PRKN: variants seen among roughly 807,000 people sequenced by gnomAD.
PRKN encodes E3 ubiquitin-protein ligase parkin.
A neutral mutation model predicts 59.5 loss-of-function variants in PRKN; 56 were observed. That is an observed-to-expected ratio of 0.94 (90% CI 0.76 to 1.18). The LOEUF (loss-of-function observed/expected upper bound fraction) is 1.18, where lower values mean the gene tolerates loss of function less well. Ranked by LOEUF, PRKN falls within the 50% of genes most tolerant of loss-of-function variation. The pLI, the probability that PRKN is intolerant of heterozygous loss-of-function variation, is 0.00. For missense variants in PRKN, 657 were observed against 596.4 expected (o/e 1.10, Z -1.06); for synonymous variants, 250 against 222.1 (o/e 1.13, Z -1.12).
intron 1 of PRKN, among the ~76,000 whole-genome samples, chr6:162,469,341 G>C (rs1317703987): frequency 7.0e-6 from 1 of 142,704 alleles, no homozygotes; most frequent in African/African-American, 2.5e-5. Flanking sequence ...AAGAAAGTGG[G>C]GGGGTTGCAG....
chr6:161,384,650 G>A (rs1786148531), intron 10 of PRKN, among the ~76,000 whole-genome samples: 2 of 152,182 alleles, frequency 1.3e-5, no homozygotes, highest in Admixed American at 1.3e-4. Context: ...GAGACACAGG[G>A]GAACAGAGGA....
intron 4 of PRKN, among the ~76,000 whole-genome samples, chr6:162,174,529 T>C (rs534710582): frequency 1.8e-5 from 2 of 111,422 alleles, no homozygotes; most frequent in Non-Finnish European, 3.9e-5. Flanking sequence ...TAAAATACAA[T>C]TCTTCCAATG....
chr6:161,913,475 G>T (rs1316909898), intron 6 of PRKN, among the ~76,000 whole-genome samples: 2 of 152,046 alleles, frequency 1.3e-5, no homozygotes, highest in African/African-American at 4.8e-5. Context: ...TCTTTTACTT[G>T]CCTATTGGAT....
chr6:162,194,491 T>C (rs1784415564), intron 4 of PRKN, among the ~76,000 whole-genome samples: 1 of 152,158 alleles, frequency 6.6e-6, no homozygotes, highest in South Asian at 2.1e-4. Context: ...AAAATGGCAG[T>C]AGCAGCATTT....
rs1480256650 is a variant in PRKN, at chr6:162,562,025, A to G, written c.8-118552T>C. On this transcript the variant is annotated intron_variant, in intron 1 of 11. Transcript: ENST00000366898. The stretch of plus-strand genomic sequence containing the variant: ...CCCAGGCTGCACAGTTCTCAGCTCC[A>G]GAAAAGACCCCTTCCTTCCACTTGA... Among the ~76,000 whole-genome samples, 7 of 152,168 alleles carry G rather than the reference A, an allele frequency of 4.6e-5. No homozygotes were observed. In the South Asian group the frequency reaches 1.4e-3, roughly 32 times the overall value.
Position 162,239,257 on chromosome 6 carries a change from T to C in PRKN, c.412+23268A>G, listed in dbSNP as rs529610152. ...CTGAGCAGGAACACAGCTTGCAGGT[T>C]GGCCGACTCATCTCCCCAGATTTTA... On this transcript the variant is annotated intron_variant, in intron 3 of 11. Transcript: ENST00000366898. Among the ~76,000 whole-genome samples, 196 of 152,276 alleles carry C rather than the reference T, an allele frequency of 1.3e-3. 1 individual carries two copies. The highest frequency in any genetic ancestry group is 4.3e-3 in the African/African-American group (180 of 41,562).
In PRKN at chr6:161,549,920, T is replaced by C. The variant is rs1194379613; in HGVS notation, c.934-917A>G. Among the ~76,000 whole-genome samples the C allele has an allele frequency of 5.3e-5, 8 of 152,130 alleles. No homozygotes were observed. The highest frequency in any genetic ancestry group is 4.6e-4 in the Admixed American group (7 of 15,278). The stretch of plus-strand genomic sequence containing the variant: ...AACAGTCAATACCGAGAGGTTAGAA[T>C]GTCTAGGATTTCCAATGGTGCTAAG... On this transcript the variant is annotated intron_variant, in intron 8 of 11. Transcript: ENST00000366898. The surrounding 1 kb of genome is among the most constrained non-coding windows in gnomAD (Gnocchi z 6.0).
intron 4 of PRKN, among the ~76,000 whole-genome samples, chr6:162,149,910 A>C (rs956937754): frequency 4.6e-5 from 7 of 152,196 alleles, no homozygotes; most frequent in Non-Finnish European, 8.8e-5. Flanking sequence ...AAGTTTCCTG[A>C]TAAATAAACC....
intron 4 of PRKN, among the ~76,000 whole-genome samples, chr6:162,176,513 GC>G (rs1249838361): frequency 6.6e-6 from 1 of 151,986 alleles, no homozygotes; most frequent in Non-Finnish European, 1.5e-5. Flanking sequence ...GTCACAGAAG[GC>G]CATCTATTCA....
At chr6:161,679,087 A>G (rs1285941877) in intron 7 of PRKN, among the ~76,000 whole-genome samples, 1 of 152,162 alleles carries the variant, frequency 6.6e-6, no homozygotes, top group African/African-American at 2.4e-5. Flanking sequence ...GCTCCAGATG[A>G]GAGTGTCTGA....
intron 7 of PRKN, among the ~76,000 whole-genome samples, chr6:161,647,245 A>G (rs566749672): frequency 6.6e-5 from 10 of 152,256 alleles, no homozygotes; most frequent in African/African-American, 2.4e-4. Context: ...ATTGTTTCCA[A>G]CTGTTATCTT....
chr6:162,039,272 A>G (rs1183949501), intron 5 of PRKN, among the ~76,000 whole-genome samples: 2 of 152,216 alleles, frequency 1.3e-5, no homozygotes, highest in Non-Finnish European at 2.9e-5. Context: ...TCAAGATCAC[A>G]TAACTCTACT....
intron 7 of PRKN, among the ~76,000 whole-genome samples, chr6:161,677,473 G>C (rs1029220862): frequency 6.6e-6 from 1 of 152,210 alleles, no homozygotes; most frequent in Non-Finnish European, 1.5e-5. Context: ...GTAAACCACT[G>C]ACTGCTGCAA....
chr6:161,925,681 C>T (rs1161783488), intron 6 of PRKN, among the ~76,000 whole-genome samples: 1 of 152,168 alleles, frequency 6.6e-6, no homozygotes, highest in Non-Finnish European at 1.5e-5. Context: ...GGAGTTGTAA[C>T]TAAGTGCATT....
intron 7 of PRKN, among the ~76,000 whole-genome samples, chr6:161,685,744 A>G (rs1785528367): frequency 6.6e-6 from 1 of 152,180 alleles, no homozygotes; most frequent in African/African-American, 2.4e-5. Flanking sequence ...TGTATGATGG[A>G]TATGAGGGCA....
intron 2 of PRKN, among the ~76,000 whole-genome samples, chr6:162,428,397 A>G (rs1397562297): frequency 2.0e-5 from 3 of 152,198 alleles, no homozygotes; most frequent in Non-Finnish European, 4.4e-5. Context: ...TCAAATTTAT[A>G]TTTCTGTTCT....
chr6:161,966,990 C>T (rs577465978), intron 6 of PRKN, among the ~76,000 whole-genome samples: 1 of 152,290 alleles, frequency 6.6e-6, no homozygotes, highest in South Asian at 2.1e-4. Context: ...CACCACCACT[C>T]CCAGCTAATT....
chr6:162,518,713 T>C (rs1777967604), intron 1 of PRKN, among the ~76,000 whole-genome samples: 2 of 152,154 alleles, frequency 1.3e-5, no homozygotes, highest in South Asian at 2.1e-4. Flanking sequence ...ATAGTAACTA[T>C]TGCATTTAGC....
At chr6:162,676,185 T>C (rs1012369095) in intron 1 of PRKN, among the ~76,000 whole-genome samples, 5 of 152,144 alleles carry the variant, frequency 3.3e-5, no homozygotes, top group Non-Finnish European at 5.9e-5. Context: ...TTGTGGATTC[T>C]AGTGAATGTT....
Sources: allele counts gnomAD v4.1 joint callset (sites outside exome capture counted in the v4.1 genomes callset), GRCh38; gene constraint gnomAD v4.1.1; non-coding constraint Gnocchi (gnomAD v3.1); transcripts MANE v1.5; gene names NCBI Gene and HGNC (gene_info 2026-07-23, HGNC 2026-07-21).